The following BMP1 variants were observed in gnomAD, a reference collection of about 807,000 sequenced individuals.
BMP1 encodes mammalian tolloid protein.
In BMP1, 63 loss-of-function variants were observed where a neutral mutation model predicts 116.8. The observed-to-expected ratio is 0.54, with a 90% CI of 0.44 to 0.67. The LOEUF is 0.67. Ranked by LOEUF, BMP1 falls within the 30% of genes least tolerant of loss-of-function variation. The pLI is 0.00. For missense variants in BMP1, 1,183 were observed against 1,358.9 expected (o/e 0.87, Z 2.04); for synonymous variants, 536 against 533.4 (o/e 1.00, Z -0.07).
At chr8:22,167,763 T>A (rs1828159202) in intron 1 of BMP1, among the ~76,000 whole-genome samples, 4 of 152,114 alleles carry the variant, frequency 2.6e-5, no homozygotes, top group Admixed American at 2.0e-4. Flanking sequence ...TTGGGTCAGA[T>A]CAGGCCTCCC....
chr8:22,197,144 G>A, intron 14 of BMP1, 96 bp from the exon 15 acceptor site: 2 of 1,485,154 alleles, frequency 1.3e-6, no homozygotes, highest in Non-Finnish European at 1.8e-6. Context: ...CTAAGTCAAG[G>A]CTAAAGGATG....
At chr8:22,181,894 C>T (rs1586446389) in intron 8 of BMP1, among the ~76,000 whole-genome samples, 2 of 152,264 alleles carry the variant, frequency 1.3e-5, no homozygotes, top group East Asian at 3.9e-4. Flanking sequence ...CTTCTTCTCC[C>T]TTAAGCCCCC....
At chr8:22,182,587 C>T (rs781267542) in intron 8 of BMP1, among the ~76,000 whole-genome samples, 4 of 152,162 alleles carry the variant, frequency 2.6e-5, no homozygotes, top group Non-Finnish European at 5.9e-5. Context: ...CTGTTCCACC[C>T]GTTGACAAAA....
chr8:22,180,412 C>G lies in BMP1; in HGVS notation c.1006C>G (p.Pro336Ala). 1 of 1,614,030 alleles carries G rather than the reference C, an allele frequency of 6.2e-7. No homozygotes were observed. Among genetic ancestry groups the G allele is most frequent in the Non-Finnish European group, 8.5e-7 (1 of 1,179,952 alleles). ...AGACAGCACAGGCAACTTCTCCTCC[C>G]CTGAATACCCCAATGGCTACTCTGC... Reference protein sequence around the residue: ...LQDSTGNFSSPEYPNGYSAHM... With the variant: ...LQDSTGNFSSAEYPNGYSAHM... The change falls in exon 8 of 20, where the codon CCT (proline) becomes GCT (alanine). Residue 336 changes from proline (P) to alanine (A), a missense_variant. Transcript: ENST00000306385.
In BMP1 at chr8:22,194,697, T is replaced by C. The variant is rs1457720494; in HGVS notation, c.1444-27T>C. On this transcript the variant is annotated intron_variant, in intron 11 of 19. Transcript: ENST00000306385. The surrounding 1 kb of genome is among the most constrained non-coding windows in gnomAD (Gnocchi z 4.5). ...GTGGGTCTCTGGCAGCCAGAGCCCC[T>C]TCCACTGATGAAGCCTCGACCCCTA... 2 of 1,582,456 alleles carry C rather than the reference T, an allele frequency of 1.3e-6. No individual in the cohort carries two copies. Among genetic ancestry groups the C allele is most frequent in the East Asian group, 2.3e-5 (1 of 43,598 alleles).
rs543116808 is a variant in BMP1, at chr8:22,202,236, G to A, written c.2233+308G>A. 1.4e-4 allele frequency among the ~76,000 whole-genome samples: 22 copies of A among 152,360 alleles called. No homozygotes were observed. In the East Asian group the frequency reaches 3.7e-3, roughly 25 times the overall value. The stretch of plus-strand genomic sequence containing the variant: ...CTCTTTGTGACTTCCTACCGGCACA[G>A]AGGCGAGAAAGGATAGTGGGTAAGA... On this transcript the variant is annotated intron_variant, in intron 16 of 19. Coordinates refer to ENST00000306385, the MANE Select transcript of BMP1 (RefSeq NM_006129.5).
At position 22,165,562 on chromosome 8, in the gene BMP1, C is replaced by A. The variant is rs752974413; in HGVS notation, c.148+9C>A. 1 of 1,571,844 alleles carries A rather than the reference C, an allele frequency of 6.4e-7. No homozygotes were observed. Among genetic ancestry groups the A allele is most frequent in the Admixed American group, 1.9e-5 (1 of 53,346 alleles). Reference sequence around the variant, plus strand: ...AGACCCCTGCAAGGCGGGTGAGCGCCCCCCGGCCCCCCGGCGACGGGCCAG... The same window carrying A: ...AGACCCCTGCAAGGCGGGTGAGCGCACCCCGGCCCCCCGGCGACGGGCCAG... On this transcript the variant is annotated intron_variant, in intron 1 of 19. Transcript: ENST00000306385.
At chr8:22,183,232 A>G (rs911592253) in intron 8 of BMP1, among the ~76,000 whole-genome samples, 4 of 152,240 alleles carry the variant, frequency 2.6e-5, no homozygotes, top group Non-Finnish European at 5.9e-5. Context: ...CCTGGCTAAC[A>G]TAGCGGAACT....
At chr8:22,197,028 C>T (rs1347156706) in intron 14 of BMP1, among the ~76,000 whole-genome samples, 188 bp downstream of exon 14, 1 of 152,110 alleles carries the variant, frequency 6.6e-6, no homozygotes, top group Admixed American at 6.5e-5. Flanking sequence ...GGCGGGGGGA[C>T]ATGTAGCAAG....
At chr8:22,190,149 G>A (rs908779399) in intron 8 of BMP1, among the ~76,000 whole-genome samples, 5 of 152,100 alleles carry the variant, frequency 3.3e-5, no homozygotes, top group Middle Eastern at 3.4e-3. Flanking sequence ...GGTCTTGAAC[G>A]CCTGACCTCA....
intron 2 of BMP1, among the ~76,000 whole-genome samples, chr8:22,174,967 C>T (rs1828390795): frequency 6.6e-6 from 1 of 152,190 alleles, no homozygotes; most frequent in African/African-American, 2.4e-5. Context: ...GCTCTGGGAA[C>T]ACTGTGGTGT....
chr8:22,174,099 G>A (rs905506131), intron 2 of BMP1, among the ~76,000 whole-genome samples: 2 of 152,138 alleles, frequency 1.3e-5, no homozygotes, highest in Admixed American at 6.5e-5. Flanking sequence ...GGCAGAGCTG[G>A]GACTGGAACT....
chr8:22,204,279 C>T (rs920288739), intron 16 of BMP1, among the ~76,000 whole-genome samples: 2 of 152,200 alleles, frequency 1.3e-5, no homozygotes, highest in Non-Finnish European at 2.9e-5. Context: ...TCACCTGCCT[C>T]TACCAGGGAC....
At chr8:22,201,323 T>C in intron 15 of BMP1, 1 of 1,502,296 alleles carries the variant, frequency 6.7e-7, no homozygotes, top group Non-Finnish European at 8.8e-7. Flanking sequence ...CCCACCTCCC[T>C]CTGGCCGGAC....
Position 22,209,691 on chromosome 8 carries a change from C to T in BMP1, c.2822C>T (p.Ser941Leu). 1 of 1,613,438 alleles carries T rather than the reference C, an allele frequency of 6.2e-7. No homozygotes were observed. The highest frequency in any genetic ancestry group is 8.5e-7 in the Non-Finnish European group (1 of 1,179,862). Reference sequence around the variant, plus strand: ...CCCAGGCTGGGGCGCTACTGTGGCTCAGGGGTGAGGCCCCCACCCCTCGCC... The same window carrying T: ...CCCAGGCTGGGGCGCTACTGTGGCTTAGGGGTGAGGCCCCCACCCCTCGCC... ...TAPRLGRYCG[S>L]GPPEEVYSAG... The change falls in exon 19 of 20, where the codon TCA becomes TTA. Residue 941 changes from serine to leucine, a missense_variant. Coordinates refer to ENST00000306385, the MANE Select transcript of BMP1 (RefSeq NM_006129.5).
intron 19 of BMP1, 143 bp downstream of exon 19, chr8:22,209,838 GC>G: frequency 1.1e-6 from 1 of 880,200 alleles, no homozygotes. Flanking sequence ...CTGTGTGGGA[GC>G]CCAGAAGCCC....
intron 1 of BMP1, among the ~76,000 whole-genome samples, chr8:22,167,767 G>A (rs1039885599): frequency 6.6e-6 from 1 of 152,298 alleles, no homozygotes; most frequent in Non-Finnish European, 1.5e-5. Flanking sequence ...GTCAGATCAG[G>A]CCTCCCTCTC....
intron 9 of BMP1, among the ~76,000 whole-genome samples, chr8:22,193,758 T>C (rs988815419): frequency 3.3e-5 from 5 of 152,216 alleles, no homozygotes; most frequent in Admixed American, 3.3e-4. Flanking sequence ...CACTCCAGCC[T>C]GGGTGACAGA....
At chr8:22,210,737 C>T (rs577165872) in intron 19 of BMP1, among the ~76,000 whole-genome samples, 72 of 152,286 alleles carry the variant, frequency 4.7e-4, no homozygotes, top group African/African-American at 1.6e-3. Context: ...CCCTGGTGTC[C>T]CCTGGCTGCC....
Sources: allele counts gnomAD v4.1 joint callset (sites outside exome capture counted in the v4.1 genomes callset), GRCh38; gene constraint gnomAD v4.1.1; non-coding constraint Gnocchi (gnomAD v3.1); transcripts MANE v1.5; gene names NCBI Gene and HGNC (gene_info 2026-07-23, HGNC 2026-07-21).